PTPRA: variants seen among roughly 807,000 people sequenced by gnomAD.
The protein encoded by PTPRA is receptor-type tyrosine-protein phosphatase alpha.
Under a neutral mutation model 104.8 loss-of-function variants are expected in PTPRA, and 25 were observed. That is an observed-to-expected ratio of 0.24 (90% confidence interval 0.17 to 0.33). PTPRA has a LOEUF of 0.33. PTPRA is among the 10% of genes least tolerant of loss of function. PTPRA has a pLI of 1.00. For synonymous variants in PTPRA, 323 were observed against 368.9 expected, an observed-to-expected ratio of 0.88 and a Z score of 1.43; for missense variants, 765 against 1,015.3, an observed-to-expected ratio of 0.75 and a Z score of 3.35.
At chr20:2,951,465 A>G (rs2061352329) in intron 3 of PTPRA, among the ~76,000 whole-genome samples, 1 of 152,158 alleles carries the variant, frequency 6.6e-6, no homozygotes, top group African/African-American at 2.4e-5. Flanking sequence ...ACTCACTCAT[A>G]ATCTAGCTGC....
At chr20:2,988,962 A>G (rs755776319) in intron 9 of PTPRA, among the ~76,000 whole-genome samples, 4 of 152,254 alleles carry the variant, frequency 2.6e-5, no homozygotes, top group Non-Finnish European at 1.5e-5. Context: ...CAGGGGTGTC[A>G]GTGTTTAAAG....
chr20:2,945,106 C>G (rs2061076305), intron 2 of PTPRA, among the ~76,000 whole-genome samples: 1 of 151,816 alleles, frequency 6.6e-6, no homozygotes, highest in South Asian at 2.1e-4. Flanking sequence ...ACCTATTTAC[C>G]AGCTCACTAA....
At chr20:2,920,837 G>GT (rs1011147953) in intron 1 of PTPRA, among the ~76,000 whole-genome samples, 3 of 152,050 alleles carry the variant, frequency 2.0e-5, no homozygotes, top group Admixed American at 6.6e-5. Context: ...TTCTAGAGAG[G>GT]TTTTTTTAAG....
chr20:3,031,355 G>A (rs557701637), intron 20 of PTPRA, among the ~76,000 whole-genome samples: 2 of 151,774 alleles, frequency 1.3e-5, no homozygotes, highest in African/African-American at 4.8e-5. Context: ...ACACAAATCT[G>A]AGATGAAACT....
intron 13 of PTPRA, among the ~76,000 whole-genome samples, chr20:3,020,141 C>T (rs2148418592): frequency 6.6e-6 from 1 of 152,288 alleles, no homozygotes; most frequent in East Asian, 1.9e-4. Flanking sequence ...CGGAGTCTCG[C>T]TCTGTCGCCC....
chr20:3,024,497 C>G lies in PTPRA; in HGVS notation c.1490C>G (p.Ala497Gly). ...TDMQYVFIYQ[A>G]LLEHYLYGDT... ...ATGCAGTATGTCTTCATATACCAAG[C>G]CCTTCTGGAGCATTATCTCTATGGA... Residue 497 changes from alanine (A) to glycine (G), a missense_variant, in exon 17 of 24, where the codon GCC becomes GGC. By Grantham distance (60) the Ala-to-Gly change is moderately conservative. Around this residue, in one of 4 missense-constraint regions of PTPRA, gnomAD observed 245 missense variants for 398.7 expected, o/e 0.61. Transcript: ENST00000399903. 1 of 1,613,716 alleles carries G rather than the reference C, an allele frequency of 6.2e-7. No homozygotes were observed. The highest frequency in any genetic ancestry group is 8.5e-7 in the Non-Finnish European group (1 of 1,179,662).
At chr20:2,921,213 T>G (rs2060083355) in intron 1 of PTPRA, among the ~76,000 whole-genome samples, 1 of 152,150 alleles carries the variant, frequency 6.6e-6, no homozygotes, top group South Asian at 2.1e-4. Context: ...GTTTTTAGTT[T>G]AAACTATTAA....
At chr20:2,969,811 C>CA (rs902033288) in intron 5 of PTPRA, among the ~76,000 whole-genome samples, 27 of 150,224 alleles carry the variant, frequency 1.8e-4, no homozygotes, top group Admixed American at 1.1e-3. Flanking sequence ...CTAAAAAATA[C>CA]AAAAAAAAAT....
At chr20:2,917,284 A>G (rs2059939146) in intron 1 of PTPRA, among the ~76,000 whole-genome samples, 1 of 152,176 alleles carries the variant, frequency 6.6e-6, no homozygotes, top group African/African-American at 2.4e-5. Flanking sequence ...AAATAAAGAC[A>G]TAAGATGTCT....
upstream of PTPRA, among the ~76,000 whole-genome samples, chr20:2,869,822 GC>G (rs565585031): frequency 3.1e-3 from 474 of 150,680 alleles, 2 homozygotes; most frequent in African/African-American, 0.011. Flanking sequence ...AAAAAAATTA[GC>G]TGGGGGTGGT....
At chr20:2,944,298 T>TC in intron 2 of PTPRA, among the ~76,000 whole-genome samples, 1 of 152,276 alleles carries the variant, frequency 6.6e-6, no homozygotes, top group Middle Eastern at 3.4e-3. Context: ...TGCCTCGGCC[T>TC]CCCAAAGTGC....
intron 5 of PTPRA, among the ~76,000 whole-genome samples, chr20:2,969,878 G>A (rs1355248040): frequency 2.0e-5 from 3 of 151,898 alleles, no homozygotes; most frequent in Non-Finnish European, 4.4e-5. Context: ...GCTGAGGCAG[G>A]AGAATGGCGT....
chr20:2,935,960 A>G (rs532881158), intron 2 of PTPRA, among the ~76,000 whole-genome samples: 1 of 151,994 alleles, frequency 6.6e-6, no homozygotes, highest in East Asian at 1.9e-4. Flanking sequence ...CAGAGGTTGC[A>G]GTAAGCCAAG....
intron 9 of PTPRA, among the ~76,000 whole-genome samples, chr20:2,989,303 T>C (rs1046359284): frequency 1.3e-5 from 2 of 151,810 alleles, no homozygotes; most frequent in Non-Finnish European, 2.9e-5. Context: ...CGTGGTGGCA[T>C]GTGCCTGTAG....
intron 1 of PTPRA, among the ~76,000 whole-genome samples, chr20:2,887,369 A>T (rs2090446071): frequency 6.6e-6 from 1 of 152,180 alleles, no homozygotes; most frequent in African/African-American, 2.4e-5. Flanking sequence ...TTGTTTGTGG[A>T]GAACGGACTG....
At chr20:2,915,567 TTG>T (rs1212807726) in intron 1 of PTPRA, among the ~76,000 whole-genome samples, 1 of 152,176 alleles carries the variant, frequency 6.6e-6, no homozygotes, top group Non-Finnish European at 1.5e-5. Flanking sequence ...ATCCCATAGG[TTG>T]TCTTTCAAAA....
intron 6 of PTPRA, among the ~76,000 whole-genome samples, chr20:2,981,124 G>A (rs542825034): frequency 5.9e-5 from 9 of 151,920 alleles, no homozygotes; most frequent in African/African-American, 1.7e-4. Context: ...GACCTGCTCT[G>A]GTGTCAATTC....
intron 1 of PTPRA, among the ~76,000 whole-genome samples, chr20:2,916,010 T>C (rs1334031703): frequency 1.1e-4 from 16 of 152,124 alleles, no homozygotes; most frequent in Non-Finnish European, 2.1e-4. Context: ...AGTTGTAGCT[T>C]TTTAAGTTTT....
chr20:3,003,095 T>A (rs1329251188), intron 9 of PTPRA, among the ~76,000 whole-genome samples: 2 of 152,202 alleles, frequency 1.3e-5, no homozygotes, highest in African/African-American at 2.4e-5. Flanking sequence ...TCTAGTAGCA[T>A]TCTGTTCTTT....
Sources: gnomAD v4.1 joint callset for allele counts (sites outside exome capture counted in the v4.1 genomes callset) on GRCh38, gnomAD v4.1.1 for gene constraint, gnomAD v4.1.1 regional missense constraint, MANE v1.5 for transcripts, NCBI Gene and HGNC (gene_info 2026-07-23, HGNC 2026-07-21) for gene names.